Variants in ZNF385B observed in about 807,000 individuals in gnomAD.
ZNF385B encodes the protein zinc finger protein 385B.
In ZNF385B, 23 loss-of-function variants were observed where a neutral mutation model predicts 39.2. The observed-to-expected ratio is 0.59, with a 90% CI of 0.42 to 0.83. The LOEUF (loss-of-function observed/expected upper bound fraction) is 0.83. Among genes scored for constraint, ZNF385B ranks in the 40% least tolerant of loss-of-function variants. The pLI is 0.00. For synonymous variants in ZNF385B, 205 were observed against 222.6 expected (o/e 0.92, Z 0.70); for missense variants, 552 against 598.9 (o/e 0.92, Z 0.82).
At chr2:179,493,681 A>G (rs573187801) in intron 5 of ZNF385B, among the ~76,000 whole-genome samples, 17,991 of 111,002 alleles carry the variant, frequency 0.16, 2,447 homozygotes, top group Non-Finnish European at 0.17. Flanking sequence ...ATGCATATAC[A>G]TATACACATA....
intron 4 of ZNF385B, among the ~76,000 whole-genome samples, chr2:179,526,439 T>C (rs2105839966): frequency 6.7e-6 from 1 of 149,506 alleles, no homozygotes; most frequent in Admixed American, 6.7e-5. Context: ...AAAAAAAAAA[T>C]ACAGAATTAG....
At chr2:179,738,445 C>A (rs1391569294) in intron 3 of ZNF385B, among the ~76,000 whole-genome samples, 1 of 152,164 alleles carries the variant, frequency 6.6e-6, no homozygotes, top group Non-Finnish European at 1.5e-5. Context: ...GTTATAGATA[C>A]TCTATTTCTA....
intron 3 of ZNF385B, among the ~76,000 whole-genome samples, chr2:179,661,864 T>C (rs1198452160): frequency 2.0e-5 from 3 of 152,216 alleles, no homozygotes; most frequent in Non-Finnish European, 4.4e-5. Context: ...GATATCATTT[T>C]TGAATCACAT....
chr2:179,760,166 T>C (rs1703283379), intron 3 of ZNF385B, among the ~76,000 whole-genome samples: 1 of 151,910 alleles, frequency 6.6e-6, no homozygotes, highest in Admixed American at 6.6e-5. Context: ...ATATTGACAT[T>C]GATCTGATGT....
rs569207785 is a variant in ZNF385B, at chr2:179,451,421, T to C, written c.716-4651A>G. Reference sequence around the variant, plus strand: ...CAACAAGTGTAATGGGAGATATTATTATAGATGTCAATTGAGCCAGAAGGC... The same window carrying C: ...CAACAAGTGTAATGGGAGATATTATCATAGATGTCAATTGAGCCAGAAGGC... On this transcript the variant is annotated intron_variant, in intron 6 of 9. Coordinates refer to ENST00000410066, the MANE Select transcript of ZNF385B (RefSeq NM_152520.6). Among the ~76,000 whole-genome samples, 240 of 152,090 alleles carry C rather than the reference T, an allele frequency of 1.6e-3. 2 individuals are homozygous for C. The highest frequency in any genetic ancestry group is 5.0e-3 in the African/African-American group (206 of 41,512).
chr2:179,731,428 CG>C (rs35822152), intron 3 of ZNF385B, among the ~76,000 whole-genome samples: 17,825 of 152,192 alleles, frequency 0.12, 1,607 homozygotes, highest in East Asian at 0.48. Context: ...TTAATTCACT[CG>C]TAACTGTTTC....
intron 6 of ZNF385B, among the ~76,000 whole-genome samples, chr2:179,480,578 C>A (rs867913910): frequency 6.6e-6 from 1 of 152,014 alleles, no homozygotes; most frequent in Non-Finnish European, 1.5e-5. Context: ...CCCATCTGGG[C>A]AAAGCTTTTA....
At chr2:179,469,464 C>T (rs751222386) in intron 6 of ZNF385B, among the ~76,000 whole-genome samples, 19 of 152,156 alleles carry the variant, frequency 1.2e-4, no homozygotes, top group Non-Finnish European at 2.6e-4. Context: ...AGAACTCTCT[C>T]TTGGGGTCTG....
intron 3 of ZNF385B, among the ~76,000 whole-genome samples, chr2:179,666,630 G>A (rs1695192243): frequency 6.6e-6 from 1 of 151,978 alleles, no homozygotes; most frequent in Non-Finnish European, 1.5e-5. Flanking sequence ...CTGACACCAA[G>A]AGAGGAAAAT....
At chr2:179,734,399 T>C (rs2367801) in intron 3 of ZNF385B, among the ~76,000 whole-genome samples, 141,459 of 152,270 alleles carry the variant, frequency 0.93, 65,745 homozygotes, top group East Asian at 0.99. Context: ...ATACTCCACA[T>C]AACAATGTAT....
intron 5 of ZNF385B, among the ~76,000 whole-genome samples, chr2:179,493,903 A>G (rs1404266589): frequency 6.7e-6 from 1 of 150,160 alleles, no homozygotes; most frequent in Non-Finnish European, 1.5e-5. Context: ...TATCTATTGA[A>G]TACATATTGT....
At chr2:179,509,992 A>C (rs1466311947) in intron 5 of ZNF385B, among the ~76,000 whole-genome samples, 2 of 152,206 alleles carry the variant, frequency 1.3e-5, no homozygotes, top group African/African-American at 2.4e-5. Context: ...TAGGTTTTGC[A>C]TGAGAGGCTA....
chr2:179,610,130 T>G (rs1301841228), intron 3 of ZNF385B, among the ~76,000 whole-genome samples: 1 of 152,194 alleles, frequency 6.6e-6, no homozygotes, highest in Non-Finnish European at 1.5e-5. Flanking sequence ...TCAAGAAATC[T>G]TTGCCTAATC....
At chr2:179,618,158 C>T (rs556058570) in intron 3 of ZNF385B, among the ~76,000 whole-genome samples, 1 of 152,182 alleles carries the variant, frequency 6.6e-6, no homozygotes, top group African/African-American at 2.4e-5. Flanking sequence ...ATTCCCAAGC[C>T]TTATCAAGGA....
rs752537191 is a variant in ZNF385B, at chr2:179,521,799, T to C, written c.442-3161A>G. Among the ~76,000 whole-genome samples, 29 of 152,332 alleles carry C rather than the reference T, an allele frequency of 1.9e-4. 1 individual carries two copies. The highest frequency in any genetic ancestry group is 4.6e-4 in the Admixed American group (7 of 15,300). ...TTTACACTTTCTTTGCTACTTGTCA[T>C]TAACTTTTTCTGCCTTTTCATCCTT... is the stretch of plus-strand genomic sequence containing the variant. On this transcript the variant is annotated intron_variant, in intron 4 of 9. Transcript: ENST00000410066.
At chr2:179,452,454 A>C (rs1464092314) in intron 6 of ZNF385B, among the ~76,000 whole-genome samples, 1 of 152,140 alleles carries the variant, frequency 6.6e-6, no homozygotes, top group Non-Finnish European at 1.5e-5. Flanking sequence ...AGTTTTAAGA[A>C]ACCAATCCTC....
At chr2:179,666,284 A>C (rs538281296) in intron 3 of ZNF385B, among the ~76,000 whole-genome samples, 1 of 152,314 alleles carries the variant, frequency 6.6e-6, no homozygotes, top group South Asian at 2.1e-4. Flanking sequence ...GAGTTGAGTT[A>C]GCTGAAGTCA....
intron 1 of ZNF385B, among the ~76,000 whole-genome samples, chr2:179,798,735 T>C (rs1468569662): frequency 6.6e-6 from 1 of 152,150 alleles, no homozygotes; most frequent in Non-Finnish European, 1.5e-5. Flanking sequence ...ATTACTGTGG[T>C]TAAAGCTTTA....
chr2:179,493,758 T>TATATTTATAC (rs2055753255), intron 5 of ZNF385B, among the ~76,000 whole-genome samples: 1 of 128,718 alleles, frequency 7.8e-6, no homozygotes, highest in Non-Finnish European at 1.7e-5. Flanking sequence ...TGTATATACA[T>TATATTTATAC]ATATGTATAC....
Sources: gnomAD v4.1 joint callset for allele counts (sites outside exome capture counted in the v4.1 genomes callset) on GRCh38, gnomAD v4.1.1 for gene constraint, MANE v1.5 for transcripts, NCBI Gene and HGNC (gene_info 2026-07-23, HGNC 2026-07-21) for gene names.